MACROD2: variants seen among roughly 807,000 people sequenced by gnomAD.
MACROD2 encodes ADP-ribose glycohydrolase MACROD2.
In MACROD2, 36 loss-of-function variants were observed where a neutral mutation model predicts 70.4. The ratio of observed to expected loss-of-function variants is 0.51; its 90% CI spans 0.39 to 0.68. MACROD2 has a LOEUF of 0.68. Among genes scored for constraint, MACROD2 ranks in the 30% least tolerant of loss-of-function variants. The pLI is 0.00. For missense variants in MACROD2, 496 were observed against 538.4 expected (o/e 0.92, Z 0.78); for synonymous variants, 172 against 178.8 (o/e 0.96, Z 0.30).
In MACROD2 at chr20:15,555,846, AAAAAAAAAG is replaced by A. The variant is rs1288139012; in HGVS notation, c.645+56000_645+56008del. Among the ~76,000 whole-genome samples the A allele has an allele frequency of 8.4e-4, 124 of 147,424 alleles. 1 individual carries two copies. Among genetic ancestry groups the A allele is most frequent in the Middle Eastern group, 3.4e-3 (1 of 294 alleles). ...TCCATCTCAAAAAAAAAAAAAAAAAAAAAAAAAAGGAAAAGAAAAGAAAAGGAAAGAACC... is the reference window on the plus strand; with the variant it reads ...TCCATCTCAAAAAAAAAAAAAAAAAAGAAAAGAAAAGAAAAGGAAAGAACC... On this transcript the variant is annotated intron_variant, in intron 8 of 17. Transcript: ENST00000684519.
At chr20:15,003,713 C>A (rs2075013667) in intron 5 of MACROD2, among the ~76,000 whole-genome samples, 1 of 152,122 alleles carries the variant, frequency 6.6e-6, no homozygotes, top group Admixed American at 6.5e-5. Flanking sequence ...AACTCAAACA[C>A]TTTTATAAAG....
intron 11 of MACROD2, 93 bp downstream of exon 11, chr20:15,933,431 A>G (rs2065610141): frequency 6.0e-6 from 7 of 1,173,982 alleles, no homozygotes; most frequent in South Asian, 1.4e-5. Context: ...AAATGCTTAT[A>G]CATTTCACCA....
chr20:15,121,958 G>A (rs1199525758), intron 5 of MACROD2, among the ~76,000 whole-genome samples: 10 of 152,068 alleles, frequency 6.6e-5, no homozygotes, highest in Non-Finnish European at 1.5e-5. Context: ...GGTGGGGGTA[G>A]GGAGTTACTC....
intron 3 of MACROD2, among the ~76,000 whole-genome samples, chr20:14,167,995 A>G (rs946094421): frequency 6.6e-6 from 1 of 152,178 alleles, no homozygotes; most frequent in African/African-American, 2.4e-5. Context: ...AGTGGGCCCT[A>G]TTTGTACATG....
chr20:15,895,090 T>G (rs900110474), intron 10 of MACROD2, among the ~76,000 whole-genome samples: 1 of 152,256 alleles, frequency 6.6e-6, no homozygotes, highest in African/African-American at 2.4e-5. Flanking sequence ...TTGTCATTTC[T>G]GAGCCTCATA....
chr20:15,038,386 G>C (rs1486095784), intron 5 of MACROD2, among the ~76,000 whole-genome samples: 1 of 152,098 alleles, frequency 6.6e-6, no homozygotes, highest in Admixed American at 6.5e-5. Flanking sequence ...TGTAAATGAC[G>C]TTTTATTTAC....
chr20:15,109,538 C>A (rs976700534), intron 5 of MACROD2, among the ~76,000 whole-genome samples: 1 of 152,026 alleles, frequency 6.6e-6, no homozygotes, highest in African/African-American at 2.4e-5. Context: ...AAGACGATTG[C>A]AAACAAAATG....
chr20:15,608,302 G>A (rs549142855), intron 8 of MACROD2, among the ~76,000 whole-genome samples: 34 of 152,154 alleles, frequency 2.2e-4, no homozygotes, highest in Non-Finnish European at 4.0e-4. Flanking sequence ...ATTAAGCCTT[G>A]TGCTTGGCCA....
At chr20:14,487,190 A>T (rs2084745340) in intron 3 of MACROD2, among the ~76,000 whole-genome samples, 1 of 152,202 alleles carries the variant, frequency 6.6e-6, no homozygotes, top group Non-Finnish European at 1.5e-5. Flanking sequence ...TGACACTGTA[A>T]ATCAGGTCAT....
Position 15,868,009 on chromosome 20 carries a change from C to A in MACROD2, c.727+5183C>A, listed in dbSNP as rs562274414. Among the ~76,000 whole-genome samples the A allele has an allele frequency of 2.5e-4, 38 of 152,256 alleles. 3 individuals carry two copies. In the South Asian group the frequency reaches 6.8e-3, roughly 27 times the overall value. ...ATTAGAGGCCAGGGGTGCTGCTAAG[C>A]ATTCTACAGTGCACAGTACAGCACC... On this transcript the variant is annotated intron_variant, in intron 9 of 17. Coordinates refer to ENST00000684519, the MANE Select transcript of MACROD2 (RefSeq NM_001351661.2).
chr20:15,475,181 C>T (rs2047006606), intron 7 of MACROD2, among the ~76,000 whole-genome samples: 1 of 152,042 alleles, frequency 6.6e-6, no homozygotes, highest in East Asian at 1.9e-4. Flanking sequence ...AATACTATTC[C>T]ATTTTTTATC....
intron 4 of MACROD2, among the ~76,000 whole-genome samples, chr20:14,565,142 T>TGGACA (rs1282829073): frequency 6.6e-6 from 1 of 151,750 alleles, no homozygotes; most frequent in Admixed American, 6.6e-5. Flanking sequence ...TGGACATACA[T>TGGACA]GGACATGCAG....
chr20:15,867,709 A>G (rs1036518564), intron 9 of MACROD2, among the ~76,000 whole-genome samples: 3 of 152,082 alleles, frequency 2.0e-5, no homozygotes, highest in Admixed American at 6.6e-5. Context: ...TTTTTTTTCT[A>G]CTAGAGTCTT....
chr20:15,827,928 T>C (rs1024350413), intron 8 of MACROD2, among the ~76,000 whole-genome samples: 1 of 152,202 alleles, frequency 6.6e-6, no homozygotes, highest in South Asian at 2.1e-4. Flanking sequence ...GAATTTCAGC[T>C]GGATGGTCCA....
chr20:14,499,715 C>G (rs913135800), intron 4 of MACROD2, among the ~76,000 whole-genome samples: 1 of 151,966 alleles, frequency 6.6e-6, no homozygotes, highest in Non-Finnish European at 1.5e-5. Context: ...CCTTTGCCCT[C>G]CCTCCTTCCC....
At chr20:14,187,743 G>A (rs2081356526) in intron 3 of MACROD2, among the ~76,000 whole-genome samples, 1 of 152,186 alleles carries the variant, frequency 6.6e-6, no homozygotes, top group Non-Finnish European at 1.5e-5. Context: ...CTTAGCCAAA[G>A]TAGTATCTCT....
At chr20:14,586,195 C>T (rs1423528878) in intron 4 of MACROD2, among the ~76,000 whole-genome samples, 2 of 151,772 alleles carry the variant, frequency 1.3e-5, no homozygotes, top group Non-Finnish European at 2.9e-5. Context: ...AATGTGGTCT[C>T]AAGTCTTGTG....
intron 3 of MACROD2, among the ~76,000 whole-genome samples, chr20:14,192,894 T>C (rs778096847): frequency 2.0e-5 from 3 of 152,182 alleles, no homozygotes; most frequent in Non-Finnish European, 4.4e-5. Flanking sequence ...AAATGATCCT[T>C]GGTGGCTCAT....
At chr20:14,727,682 C>T (rs2071546275) in intron 5 of MACROD2, among the ~76,000 whole-genome samples, 1 of 152,184 alleles carries the variant, frequency 6.6e-6, no homozygotes, top group African/African-American at 2.4e-5. Context: ...AAAGGAATTT[C>T]AAATATGTTA....
Sources: gnomAD v4.1 joint callset for allele counts (sites outside exome capture counted in the v4.1 genomes callset) on GRCh38, gnomAD v4.1.1 for gene constraint, MANE v1.5 for transcripts, NCBI Gene and HGNC (gene_info 2026-07-23, HGNC 2026-07-21) for gene names.